Variants in LAMC2 observed in about 807,000 individuals in gnomAD.
The protein encoded by LAMC2 is laminin subunit gamma-2.
LAMC2 carries 97 observed loss-of-function variants against 140.2 expected under a neutral mutation model. That is an observed-to-expected ratio of 0.69 (90% CI 0.59 to 0.82). LAMC2 has a LOEUF of 0.82. LAMC2 is among the 40% of genes least tolerant of loss of function. LAMC2 has a pLI of 0.00. For synonymous variants in LAMC2, 513 were observed against 540.2 expected (o/e 0.95, Z 0.70); for missense variants, 1,402 against 1,476.1 (o/e 0.95, Z 0.82).
chr1:183,212,196 A>C (rs1284362893), intron 2 of LAMC2, among the ~76,000 whole-genome samples: 3 of 152,210 alleles, frequency 2.0e-5, no homozygotes, highest in African/African-American at 7.2e-5. Flanking sequence ...GGATGCAGAA[A>C]AAATGTGTTT....
rs544586652 is a variant in LAMC2, at chr1:183,209,875, A to G, written c.268+1806A>G. On this transcript the variant is annotated intron_variant, in intron 2 of 22. Coordinates refer to ENST00000264144, the MANE Select transcript of LAMC2 (RefSeq NM_005562.3). ...TGTAGTCTACTGCTTGCCCAGTGGT[A>G]AGGGCAAGTGAAACTGGCTCCTTCT... 2.6e-5 allele frequency among the ~76,000 whole-genome samples: 4 copies of G among 152,236 alleles called. No homozygotes were observed. The South Asian group carries it at 6.2e-4, about 24-fold the overall frequency.
chr1:183,220,859 A>G lies in LAMC2; in HGVS notation c.538A>G (p.Asn180Asp). The G allele has an allele frequency of 6.2e-7, 1 of 1,613,888 alleles. No homozygotes were observed. The highest frequency in any genetic ancestry group is 8.5e-7 in the Non-Finnish European group (1 of 1,179,766). ...RSGYYNLDGG[N>D]PEGCTQCFCY... ...AGGTTACTATAATCTGGATGGGGGG[A>G]ACCCTGAGGGCTGTACCCAGTGTTT... The change falls in exon 5 of 23, where the codon AAC becomes GAC. Residue 180 changes from asparagine to aspartate, a missense_variant. Asn to Asp is a conservative substitution (Grantham distance 23). Coordinates refer to ENST00000264144, the MANE Select transcript of LAMC2 (RefSeq NM_005562.3).
chr1:183,205,109 C>T (rs766415799), intron 1 of LAMC2, among the ~76,000 whole-genome samples: 4 of 152,204 alleles, frequency 2.6e-5, no homozygotes, highest in Non-Finnish European at 4.4e-5. Context: ...AGGCGTGAAC[C>T]ACTGTGCCCA....
At chr1:183,214,825 A>G (rs1486716360) in intron 2 of LAMC2, among the ~76,000 whole-genome samples, 3 of 152,116 alleles carry the variant, frequency 2.0e-5, no homozygotes, top group African/African-American at 7.2e-5. Flanking sequence ...GTTTTTCATG[A>G]ACACTCAATC....
downstream of LAMC2, among the ~76,000 whole-genome samples, chr1:183,247,914 T>C (rs1441086098): frequency 2.6e-5 from 4 of 152,264 alleles, no homozygotes; most frequent in African/African-American, 9.6e-5. Context: ...TATAATTTTA[T>C]TTCATAAAAT....
rs1471858452 is a variant in LAMC2, at chr1:183,231,199, C to G, written c.1857+96C>G. 5.7e-6 allele frequency: 8 copies of G among 1,408,734 alleles called. No homozygotes were observed. The East Asian group carries it at 1.6e-4, about 28-fold the overall frequency. 87.3% of individuals were successfully genotyped at this position (1,408,734 alleles called of 1,614,324 possible). On this transcript the variant is annotated intron_variant, in intron 12 of 22. Transcript: ENST00000264144. ...GTCACAGATCTAGGACACTCCTAGT[C>G]TCCTGAGGATGGGAGTAGTGATTAC...
intron 5 of LAMC2, 59 bp downstream of exon 5, chr1:183,221,020 A>G (rs1659452252): frequency 4.1e-6 from 6 of 1,472,290 alleles, no homozygotes; most frequent in South Asian, 3.4e-5. Context: ...CTTTGTGTTT[A>G]GAGACAACCA....
Position 183,186,565 on chromosome 1 carries a change from C to A in LAMC2, c.79+134C>A, listed in dbSNP as rs6678888. 283,626 of 915,078 alleles carry A rather than the reference C, an allele frequency of 0.31. 46,158 individuals carry two copies. The highest frequency in any genetic ancestry group is 0.4 in the East Asian group (14,889 of 37,336). The allele number at this position is 915,078 out of a possible 1,614,324, so 56.7% of individuals were successfully genotyped here. A position where few individuals can be genotyped will look rare whatever the true frequency, so the allele number is the denominator to read the frequency against. ...AACTTGTTAGAGCTCCCTTCTCCTC[C>A]CCTATCTGGGGCTCCTCCAGAGACG... On this transcript the variant is annotated intron_variant, in intron 1 of 22. Transcript: ENST00000264144.
In LAMC2 at chr1:183,236,562, T is replaced by G. The variant is rs377295745; in HGVS notation, c.2559T>G (p.Asp853Glu). 1.2e-6 allele frequency: 2 copies of G among 1,614,010 alleles called. No homozygotes were observed. Among genetic ancestry groups the G allele is most frequent in the African/African-American group, 1.3e-5 (1 of 74,910 alleles). ...ATCAGCACAGTCTCCGCCTCCTGGA[T>G]TCAGTGTCTCGGCTTCAGGGAGTCA... ...RSYQHSLRLLDSVSRLQGVSD... is the reference protein window; with the variant it reads ...RSYQHSLRLLESVSRLQGVSD... Residue 853 changes from aspartate (D) to glutamate (E), a missense_variant, in exon 17 of 23, where the codon GAT becomes GAG. Transcript: ENST00000264144.
At chr1:183,242,739 G>C (rs1483401416) in intron 22 of LAMC2, among the ~76,000 whole-genome samples, 1 of 152,044 alleles carries the variant, frequency 6.6e-6, no homozygotes, top group Non-Finnish European at 1.5e-5. Context: ...TCTTAAGGGT[G>C]GTTCAGAAAG....
At chr1:183,199,422 C>CTCCT (rs144680316) in intron 1 of LAMC2, among the ~76,000 whole-genome samples, 6,449 of 151,362 alleles carry the variant, frequency 0.043, 176 homozygotes, top group East Asian at 0.089. Flanking sequence ...TCCTTCCTTT[C>CTCCT]TCCTTCCTTC....
At chr1:183,218,520 G>A in intron 4 of LAMC2, 32 bp downstream of exon 4, 1 of 1,501,436 alleles carries the variant, frequency 6.7e-7, no homozygotes, top group Non-Finnish European at 9.2e-7. Flanking sequence ...ACAAACAGCA[G>A]AGAGAGTCCC....
chr1:183,216,872 C>T (rs971309650), intron 3 of LAMC2, among the ~76,000 whole-genome samples: 1 of 150,932 alleles, frequency 6.6e-6, no homozygotes, highest in African/African-American at 2.4e-5. Flanking sequence ...GCCTGCTGCC[C>T]TTGCGATCCA....
At chr1:183,254,923 T>C in the LAMC2 span, among the ~76,000 whole-genome samples, 1 of 152,224 alleles carries the variant, frequency 6.6e-6, no homozygotes, top group East Asian at 1.9e-4. Flanking sequence ...TAGTTTGAAG[T>C]CCCATTTATT....
At chr1:183,258,828 G>T in the LAMC2 span, among the ~76,000 whole-genome samples, 1 of 151,916 alleles carries the variant, frequency 6.6e-6, no homozygotes, top group Non-Finnish European at 1.5e-5. Context: ...AGACAGCTTC[G>T]ACTCCCTGTG....
At chr1:183,203,117 T>A (rs548741931) in intron 1 of LAMC2, among the ~76,000 whole-genome samples, 203 of 152,170 alleles carry the variant, frequency 1.3e-3, no homozygotes, top group Middle Eastern at 3.4e-3. Context: ...AAATATATAT[T>A]TTTTTAATTT....
In LAMC2 at chr1:183,243,537, A is replaced by G. The variant is rs1337092502; in HGVS notation, c.*137A>G. ...TGCTCAGGTCAACTGACCTGACCCC[A>G]TTCCTGATCCCATGGCCAGGTGGTT... is the stretch of plus-strand genomic sequence containing the variant. On this transcript the variant is annotated 3_prime_UTR_variant, in exon 23 of 23. Coordinates refer to ENST00000264144, the MANE Select transcript of LAMC2 (RefSeq NM_005562.3). 9.3e-7 allele frequency: 1 copy of G among 1,073,508 alleles called. No individual in the cohort carries two copies. The highest frequency in any genetic ancestry group is 1.4e-6 in the Non-Finnish European group (1 of 708,902). 66.5% of individuals were successfully genotyped at this position (1,073,508 alleles called of 1,614,324 possible).
intron 1 of LAMC2, among the ~76,000 whole-genome samples, chr1:183,202,151 A>G (rs1658725854): frequency 6.6e-6 from 1 of 151,914 alleles, no homozygotes; most frequent in Non-Finnish European, 1.5e-5. Flanking sequence ...CTGAGATCAC[A>G]CCACTGCACT....
chr1:183,245,641 A>G (rs977624036), downstream of LAMC2, among the ~76,000 whole-genome samples: 4 of 152,240 alleles, frequency 2.6e-5, no homozygotes. Context: ...CCAGCAAAAC[A>G]ATCACATCTG....
Sources: gnomAD v4.1 joint callset for allele counts (sites outside exome capture counted in the v4.1 genomes callset) on GRCh38, gnomAD v4.1.1 for gene constraint, MANE v1.5 for transcripts, NCBI Gene and HGNC (gene_info 2026-07-23, HGNC 2026-07-21) for gene names.